PHF24: variants seen among roughly 807,000 people sequenced by gnomAD.
The protein encoded by PHF24 is Galpha inhibitory interacting protein.
Under a neutral mutation model 42.6 loss-of-function variants are expected in PHF24, and 25 were observed. That is an observed-to-expected ratio of 0.59 (90% confidence interval 0.43 to 0.82). The LOEUF is 0.82. PHF24 is among the 40% of genes least tolerant of loss of function. The pLI is 0.00. For missense variants in PHF24, 470 were observed against 538.1 expected, an observed-to-expected ratio of 0.87 and a Z score of 1.25; for synonymous variants, 185 against 204.8, an observed-to-expected ratio of 0.90 and a Z score of 0.83.
chr9:34,976,447 TG>T, intron 4 of PHF24, 87 bp from the exon 5 acceptor site: 5 of 1,391,828 alleles, frequency 3.6e-6, no homozygotes, highest in Middle Eastern at 5.1e-4. Context: ...GCTGTGGGTT[TG>T]GGGGCCCCGA....
chr9:34,835,311 G>A, the PHF24 span: 11 of 1,551,620 alleles, frequency 7.1e-6, no homozygotes, highest in Non-Finnish European at 9.6e-6. Context: ...TCATTTCCAG[G>A]TTGGTAATAC....
At chr9:34,805,939 C>T in the PHF24 span, among the ~76,000 whole-genome samples, 1 of 152,146 alleles carries the variant, frequency 6.6e-6, no homozygotes, top group Non-Finnish European at 1.5e-5. Flanking sequence ...AAACAGTTGG[C>T]CCAGCATTGT....
the PHF24 span, among the ~76,000 whole-genome samples, chr9:34,750,328 C>T: frequency 8.8e-4 from 134 of 152,002 alleles, no homozygotes; most frequent in Non-Finnish European, 1.5e-3. Flanking sequence ...AACCCTGTCT[C>T]CACTAAAAAT....
At chr9:34,698,725 C>G in the PHF24 span, among the ~76,000 whole-genome samples, 1 of 152,182 alleles carries the variant, frequency 6.6e-6, no homozygotes, top group African/African-American at 2.4e-5. Flanking sequence ...GGTGATCCAC[C>G]TGCCTCGGCC....
the PHF24 span, among the ~76,000 whole-genome samples, chr9:34,805,317 C>G: frequency 6.6e-6 from 1 of 152,214 alleles, no homozygotes; most frequent in Non-Finnish European, 1.5e-5. Flanking sequence ...ATTTTACATT[C>G]TCATCAGCAA....
At chr9:34,741,346 C>G in the PHF24 span, among the ~76,000 whole-genome samples, 40 of 151,870 alleles carry the variant, frequency 2.6e-4, no homozygotes, top group African/African-American at 9.4e-4. Flanking sequence ...TATTTCTTTT[C>G]TTTTCTTTTT....
At chr9:34,783,816 A>G in the PHF24 span, among the ~76,000 whole-genome samples, 4 of 152,234 alleles carry the variant, frequency 2.6e-5, no homozygotes, top group African/African-American at 9.6e-5. Flanking sequence ...TAAAGTGAAT[A>G]GCGGTTTCTG....
chr9:34,866,552 A>G, the PHF24 span, among the ~76,000 whole-genome samples: 12 of 152,130 alleles, frequency 7.9e-5, no homozygotes, highest in African/African-American at 2.9e-4. Context: ...CAGGGCCTAT[A>G]AAAAAAATGC....
At chr9:34,850,700 C>G in the PHF24 span, among the ~76,000 whole-genome samples, 1 of 152,182 alleles carries the variant, frequency 6.6e-6, no homozygotes, top group African/African-American at 2.4e-5. Context: ...TCCAGTTTTT[C>G]TGCTCCGATT....
At chr9:34,935,994 CAAAA>C in the PHF24 span, among the ~76,000 whole-genome samples, 1 of 142,866 alleles carries the variant, frequency 7.0e-6, no homozygotes, top group Non-Finnish European at 1.5e-5. Context: ...TAAGAGTCCT[CAAAA>C]AAAAAAAATT....
At chr9:34,727,707 A>G in the PHF24 span, among the ~76,000 whole-genome samples, 8 of 152,336 alleles carry the variant, frequency 5.3e-5, no homozygotes, top group Middle Eastern at 0.02. Flanking sequence ...TTCAAAACCC[A>G]TTCTCTTAAC....
the PHF24 span, among the ~76,000 whole-genome samples, chr9:34,931,961 C>T: frequency 3.3e-5 from 5 of 152,144 alleles, no homozygotes; most frequent in African/African-American, 1.2e-4. Flanking sequence ...CTTGGGCTTC[C>T]AGCTCAACCC....
At chr9:34,676,159 G>A in the PHF24 span, among the ~76,000 whole-genome samples, 6 of 152,214 alleles carry the variant, frequency 3.9e-5, no homozygotes, top group Admixed American at 3.9e-4. Context: ...CCCTTAGGAA[G>A]GAGGCTGAAG....
chr9:34,898,788 TCAC>T, the PHF24 span, among the ~76,000 whole-genome samples: 7 of 152,172 alleles, frequency 4.6e-5, no homozygotes, highest in Non-Finnish European at 5.9e-5. Context: ...CCCAGCAGAA[TCAC>T]CACATCTGCA....
At chr9:34,910,861 C>T in the PHF24 span, among the ~76,000 whole-genome samples, 3 of 151,818 alleles carry the variant, frequency 2.0e-5, no homozygotes, top group Non-Finnish European at 4.4e-5. Context: ...CTCATTCTGC[C>T]ACCCAGGCTG....
the PHF24 span, chr9:34,724,110 G>A: frequency 6.5e-7 from 1 of 1,529,528 alleles, no homozygotes; most frequent in Non-Finnish European, 8.8e-7. Context: ...TTTCCTGCTA[G>A]CATGGGGACA....
At chr9:34,721,907 C>A in the PHF24 span, among the ~76,000 whole-genome samples, 4 of 152,312 alleles carry the variant, frequency 2.6e-5, no homozygotes, top group East Asian at 3.9e-4. Context: ...ATTCCACACT[C>A]ATCTTGTTTT....
At chr9:34,856,729 G>A in the PHF24 span, among the ~76,000 whole-genome samples, 1 of 152,238 alleles carries the variant, frequency 6.6e-6, no homozygotes, top group African/African-American at 2.4e-5. Flanking sequence ...GGAGACCCCT[G>A]TTGGGAGGTC....
At chr9:34,735,822 G>T in the PHF24 span, among the ~76,000 whole-genome samples, 18 of 151,400 alleles carry the variant, frequency 1.2e-4, no homozygotes, top group Non-Finnish European at 2.4e-4. Context: ...GAGAGACAAA[G>T]CAATTAACAT....
Sources: allele counts gnomAD v4.1 joint callset (sites outside exome capture counted in the v4.1 genomes callset), GRCh38; gene constraint gnomAD v4.1.1; transcripts MANE v1.5; gene names NCBI Gene and HGNC (gene_info 2026-07-23, HGNC 2026-07-21).